Variants in TTC23L observed in about 807,000 individuals in gnomAD.
The protein encoded by TTC23L is tetratricopeptide repeat domain 23 like.
Under a neutral mutation model 48.1 loss-of-function variants are expected in TTC23L, and 42 were observed. The ratio of observed to expected loss-of-function variants is 0.87; its 90% CI spans 0.68 to 1.13. The LOEUF (loss-of-function observed/expected upper bound fraction) is 1.13. TTC23L is among the 50% of genes most tolerant of loss of function. TTC23L has a pLI of 0.00. For missense variants in TTC23L, 391 were observed against 421.0 expected, an observed-to-expected ratio of 0.93 and a Z score of 0.62; for synonymous variants, 159 against 157.2, an observed-to-expected ratio of 1.01 and a Z score of -0.09.
At chr5:34,862,898 G>C in exon 5 of TTC23L, 1 of 1,613,624 alleles carries the variant, frequency 6.2e-7, no homozygotes, top group African/African-American at 1.3e-5. Flanking sequence ...ACTCCCCCAG[G>C]CCTCCCAGTT....
chr5:34,867,929 T>C (rs965794358), intron 7 of TTC23L: 2 of 152,208 alleles, frequency 1.3e-5, no homozygotes, highest in Non-Finnish European at 2.9e-5. Flanking sequence ...TGTTCAAGAC[T>C]TTCTCAAAGC....
chr5:34,918,140 CAAAAAAAAAAA>C, the TTC23L span: 4 of 98,514 alleles, frequency 4.1e-5, no homozygotes, highest in East Asian at 7.5e-4. Context: ...CCCATCTCTA[CAAAAAAAAAAA>C]AAAAAAAAAC....
chr5:34,918,324 A>G, the TTC23L span: 1 of 1,075,660 alleles, frequency 9.3e-7, no homozygotes, highest in Non-Finnish European at 1.4e-6. Flanking sequence ...TCAGTTCAGT[A>G]TAAGATTTTA....
At chr5:34,858,378 A>G (rs6869117) in intron 4 of TTC23L, among the ~76,000 whole-genome samples, 52,023 of 152,118 alleles carry the variant, frequency 0.34, 10,327 homozygotes, top group South Asian at 0.45. Context: ...TACTGAATTC[A>G]TAGTACTTTT....
chr5:34,894,693 C>G (rs1027374586), intron 9 of TTC23L, among the ~76,000 whole-genome samples: 2 of 152,156 alleles, frequency 1.3e-5, no homozygotes, highest in African/African-American at 2.4e-5. Flanking sequence ...ATAATCCCAG[C>G]TCTGTCTTTA....
intron 2 of TTC23L, 133 bp from the exon 3 acceptor site, chr5:34,845,354 A>G: frequency 1.1e-6 from 1 of 935,740 alleles, no homozygotes; most frequent in Non-Finnish European, 1.5e-6. Flanking sequence ...TTTACTGCCT[A>G]GCTTTATTCC....
At chr5:34,880,678 AC>A in intron 9 of TTC23L, 1 of 409,372 alleles carries the variant, frequency 2.4e-6, no homozygotes, top group South Asian at 1.8e-5. Context: ...GGTCTCTGTC[AC>A]CCAGGCTGTA....
the TTC23L span, chr5:34,925,570 C>G: frequency 3.2e-6 from 4 of 1,256,440 alleles, no homozygotes; most frequent in South Asian, 6.5e-5. Flanking sequence ...CTTTTATTAT[C>G]TAATACTATC....
intron 4 of TTC23L, chr5:34,860,743 A>T (rs1430935549): frequency 1.3e-5 from 2 of 152,120 alleles, no homozygotes; most frequent in Non-Finnish European, 2.9e-5. Flanking sequence ...TTATTTTTGC[A>T]GTTTTTAATG....
chr5:34,922,458 G>A, the TTC23L span: 13 of 959,024 alleles, frequency 1.4e-5, no homozygotes, highest in South Asian at 2.9e-5. Context: ...AATATTATAA[G>A]CATATTATTT....
At chr5:34,855,550 A>C (rs1760056065) in intron 4 of TTC23L, among the ~76,000 whole-genome samples, 1 of 152,222 alleles carries the variant, frequency 6.6e-6, no homozygotes, top group Non-Finnish European at 1.5e-5. Flanking sequence ...ACTTCTGGGA[A>C]TCTTTCCTAA....
chr5:34,898,334 A>G (rs973273334), intron 10 of TTC23L, among the ~76,000 whole-genome samples: 2 of 152,198 alleles, frequency 1.3e-5, no homozygotes, highest in East Asian at 3.9e-4. Flanking sequence ...ATATAGACTT[A>G]TCAGGTTCTG....
intron 3 of TTC23L, 155 bp downstream of exon 3, chr5:34,845,828 T>C (rs1032172078): frequency 1.4e-6 from 1 of 725,074 alleles, no homozygotes; most frequent in Non-Finnish European, 2.2e-6. Flanking sequence ...CCTACTTAGG[T>C]AGCCAGCCCA....
downstream of TTC23L, among the ~76,000 whole-genome samples, chr5:34,903,839 G>A (rs1051587333): frequency 2.0e-5 from 3 of 151,952 alleles, no homozygotes; most frequent in Admixed American, 1.3e-4. Context: ...TAGCTAACAA[G>A]CACTGACATT....
intron 8 of TTC23L, among the ~76,000 whole-genome samples, chr5:34,875,578 G>A (rs912209549): frequency 2.0e-5 from 3 of 152,024 alleles, no homozygotes; most frequent in Admixed American, 2.0e-4. Flanking sequence ...CAGATTAAGG[G>A]TGGGTCTGCC....
chr5:34,882,373 G>A (rs1762275040), intron 9 of TTC23L, among the ~76,000 whole-genome samples: 1 of 152,202 alleles, frequency 6.6e-6, no homozygotes, highest in African/African-American at 2.4e-5. Context: ...CCATTAGGAA[G>A]CAAGTGCCAT....
intron 8 of TTC23L, among the ~76,000 whole-genome samples, chr5:34,875,211 C>T (rs1416750934): frequency 6.6e-6 from 1 of 152,128 alleles, no homozygotes; most frequent in Non-Finnish European, 1.5e-5. Context: ...GAGGCAAAAA[C>T]TGATGGAACT....
chr5:34,888,419 G>A, intron 9 of TTC23L: 1 of 952,548 alleles, frequency 1.0e-6, no homozygotes, highest in South Asian at 4.9e-5. Flanking sequence ...CTTGCTATCT[G>A]ATTCTCTTTA....
chr5:34,896,947 G>A (rs1763260333), intron 10 of TTC23L, 72 bp downstream of exon 10: 1 of 606,222 alleles, frequency 1.6e-6, no homozygotes, highest in Non-Finnish European at 3.0e-6. Flanking sequence ...GATTCCAAGG[G>A]ATGTGTGCCA....
Sources: allele counts gnomAD v4.1 joint callset (sites outside exome capture counted in the v4.1 genomes callset), GRCh38; gene constraint gnomAD v4.1.1; transcripts MANE v1.5; gene names NCBI Gene and HGNC (gene_info 2026-07-23, HGNC 2026-07-21).